The following DOCK1 variants were observed in gnomAD, a reference collection of about 807,000 sequenced individuals.
DOCK1 encodes dedicator of cytokinesis 1.
A neutral mutation model predicts 262.7 loss-of-function variants in DOCK1; 138 were observed. The observed-to-expected ratio is 0.53, with a 90% CI of 0.46 to 0.61. The LOEUF (loss-of-function observed/expected upper bound fraction) is 0.61, where lower values mean the gene tolerates loss of function less well. Among genes scored for constraint, DOCK1 ranks in the 20% least tolerant of loss-of-function variants. The pLI, the probability that DOCK1 is intolerant of heterozygous loss-of-function variation, is 0.00. For missense variants in DOCK1, 1,908 were observed against 2,370.7 expected (o/e 0.80, Z 4.05); for synonymous variants, 866 against 867.4 (o/e 1.00, Z 0.03).
chr10:126,974,958 C>T (rs867903900), intron 2 of DOCK1, among the ~76,000 whole-genome samples: 2 of 152,062 alleles, frequency 1.3e-5, no homozygotes, highest in African/African-American at 2.4e-5. Flanking sequence ...TAAATAAAGA[C>T]ACAAAACTCC....
At chr10:127,312,278 G>A (rs2720989) in intron 29 of DOCK1, among the ~76,000 whole-genome samples, 2,724 of 152,236 alleles carry the variant, frequency 0.018, 92 homozygotes, top group African/African-American at 0.063. Context: ...TAGAAATAGC[G>A]GTGATGATCA....
intron 6 of DOCK1, among the ~76,000 whole-genome samples, chr10:126,992,789 G>GACACAC (rs142022750): frequency 3.4e-4 from 50 of 147,474 alleles, no homozygotes; most frequent in African/African-American, 4.3e-4. Flanking sequence ...CACACACACA[G>GACACAC]ACACACACAC....
At chr10:127,270,277 C>T (rs1239604356) in intron 29 of DOCK1, among the ~76,000 whole-genome samples, 1 of 152,190 alleles carries the variant, frequency 6.6e-6, no homozygotes, top group Non-Finnish European at 1.5e-5. Context: ...AATCACTGCT[C>T]GATGCACTTC....
At chr10:127,352,891 C>T (rs1311933083) in intron 31 of DOCK1, among the ~76,000 whole-genome samples, 1 of 152,176 alleles carries the variant, frequency 6.6e-6, no homozygotes, top group Non-Finnish European at 1.5e-5. Context: ...CCGCACCTGG[C>T]CTGGGCCTTC....
At chr10:127,434,062 G>A (rs1330702416) in intron 48 of DOCK1, among the ~76,000 whole-genome samples, 2 of 151,936 alleles carry the variant, frequency 1.3e-5, no homozygotes, top group Non-Finnish European at 2.9e-5. Context: ...GTCTGACCAT[G>A]ACACAACCTC....
At chr10:127,065,599 A>G (rs900735481) in intron 23 of DOCK1, among the ~76,000 whole-genome samples, 1 of 151,926 alleles carries the variant, frequency 6.6e-6, no homozygotes, top group African/African-American at 2.4e-5. Flanking sequence ...TTTTTGAAGA[A>G]TCATCCTGTT....
chr10:127,411,005 G>C (rs970607887), intron 43 of DOCK1, 81 bp downstream of exon 43: 1 of 1,392,870 alleles, frequency 7.2e-7, no homozygotes, highest in Admixed American at 2.0e-5. Flanking sequence ...GAGAAGCGTG[G>C]CCTCAGAGGC....
intron 13 of DOCK1, among the ~76,000 whole-genome samples, chr10:127,022,269 T>C (rs1462375308): frequency 6.6e-6 from 1 of 152,184 alleles, no homozygotes; most frequent in African/African-American, 2.4e-5. Flanking sequence ...AGAAAGTTTC[T>C]CCCTAGACCC....
chr10:127,384,967 G>T (rs901534206), intron 38 of DOCK1, 58 bp downstream of exon 38: 1 of 1,451,688 alleles, frequency 6.9e-7, no homozygotes, highest in Non-Finnish European at 9.1e-7. Context: ...TACCTGCAGT[G>T]TTGTAAACAC....
chr10:127,135,391 T>C (rs1254793193), intron 27 of DOCK1: 1 of 152,544 alleles, frequency 6.6e-6, no homozygotes, highest in Non-Finnish European at 1.5e-5. Context: ...TGTTCCCCAA[T>C]TTTTGAGGCC....
chr10:126,963,209 A>G (rs2037360370), intron 1 of DOCK1, among the ~76,000 whole-genome samples: 1 of 151,998 alleles, frequency 6.6e-6, no homozygotes. Context: ...GACCTTTGAG[A>G]TGGGTTTTTC....
chr10:127,333,563 C>T (rs1443791333), intron 29 of DOCK1, among the ~76,000 whole-genome samples: 1 of 152,198 alleles, frequency 6.6e-6, no homozygotes, highest in African/African-American at 2.4e-5. Context: ...CATGGCTTTC[C>T]AAATAGGCAG....
intron 26 of DOCK1, among the ~76,000 whole-genome samples, 197 bp from the exon 27 acceptor site, chr10:127,127,472 C>T (rs901953370): frequency 1.3e-5 from 2 of 152,190 alleles, no homozygotes; most frequent in Non-Finnish European, 2.9e-5. Context: ...AACAAATTAT[C>T]ATTAATGGAC....
chr10:127,321,613 G>T (rs2062532820), intron 29 of DOCK1, among the ~76,000 whole-genome samples: 1 of 151,728 alleles, frequency 6.6e-6, no homozygotes, highest in Non-Finnish European at 1.5e-5. Flanking sequence ...CCCCAAGGAG[G>T]TGCTCTGAAC....
intron 29 of DOCK1, among the ~76,000 whole-genome samples, chr10:127,262,905 A>G (rs1270529156): frequency 6.6e-6 from 1 of 152,120 alleles, no homozygotes; most frequent in Non-Finnish European, 1.5e-5. Context: ...AAATTGAGGC[A>G]TGGAGGTTGG....
chr10:127,383,408 C>G (rs1244266184), intron 37 of DOCK1, among the ~76,000 whole-genome samples: 1 of 152,228 alleles, frequency 6.6e-6, no homozygotes, highest in East Asian at 1.9e-4. Flanking sequence ...CTTTTATTCT[C>G]CATCCTCCAA....
At chr10:127,334,895 T>C (rs1167008725) in intron 29 of DOCK1, among the ~76,000 whole-genome samples, 2 of 152,148 alleles carry the variant, frequency 1.3e-5, no homozygotes, top group African/African-American at 2.4e-5. Context: ...GAATCCCTAA[T>C]GAGAAGTTTG....
intron 29 of DOCK1, among the ~76,000 whole-genome samples, chr10:127,302,278 C>G (rs1465959009): frequency 6.6e-6 from 1 of 152,058 alleles, no homozygotes; most frequent in East Asian, 1.9e-4. Flanking sequence ...GTAGGAAGGT[C>G]TGGGAGGGAG....
At chr10:127,203,988 T>C (rs2057596104) in intron 27 of DOCK1, among the ~76,000 whole-genome samples, 1 of 152,050 alleles carries the variant, frequency 6.6e-6, no homozygotes. Context: ...GAAACTCCAG[T>C]GTCCATAGTT....
Sources: allele counts gnomAD v4.1 joint callset (sites outside exome capture counted in the v4.1 genomes callset), GRCh38; gene constraint gnomAD v4.1.1; transcripts MANE v1.5; gene names NCBI Gene and HGNC (gene_info 2026-07-23, HGNC 2026-07-21).